Variants in DCLRE1C observed in about 807,000 individuals in gnomAD.
DCLRE1C encodes protein artemis.
In DCLRE1C, 47 loss-of-function variants were observed where a neutral mutation model predicts 61.4. That is an observed-to-expected ratio of 0.77 (90% confidence interval 0.61 to 0.98). The LOEUF is 0.98. DCLRE1C is among the 50% of genes least tolerant of loss of function. The pLI, the probability that DCLRE1C is intolerant of heterozygous loss-of-function variation, is 0.00. For missense variants in DCLRE1C, 858 were observed against 816.0 expected (o/e 1.05, Z -0.63); for synonymous variants, 337 against 287.6 (o/e 1.17, Z -1.74).
In DCLRE1C at chr10:14,912,881, C is replaced by T. The variant is rs530831552; in HGVS notation, c.1157-3551G>A. 6.7e-4 allele frequency among the ~76,000 whole-genome samples: 101 copies of T among 150,530 alleles called. 1 individual carries two copies. Among genetic ancestry groups the T allele is most frequent in the Middle Eastern group, 3.4e-3 (1 of 292 alleles). ...TGTTTTTAGTAGAGACGGGGTTTCA[C>T]CGTGTTAGCCAGGATGGTCTCGATC... On this transcript the variant is annotated intron_variant, in intron 13 of 13. Coordinates refer to ENST00000378278, the MANE Select transcript of DCLRE1C (RefSeq NM_001033855.3).
chr10:14,939,680 C>G (rs1447275511), intron 4 of DCLRE1C, 130 bp downstream of exon 4: 2 of 795,564 alleles, frequency 2.5e-6, no homozygotes, highest in Non-Finnish European at 4.0e-6. Flanking sequence ...AATGAGCATT[C>G]AAAATCAAAG....
Position 14,908,743 on chromosome 10 carries a change from T to C in DCLRE1C, c.1744A>G (p.Ile582Val). 1 of 1,614,242 alleles carries C rather than the reference T, an allele frequency of 6.2e-7. No individual in the cohort carries two copies. Among genetic ancestry groups the C allele is most frequent in the Non-Finnish European group, 8.5e-7 (1 of 1,180,038 alleles). The change falls in exon 14 of 14, where the codon ATC becomes GTC. Residue 582 changes from isoleucine (I) to valine (V), a missense_variant. This residue lies in a region of DCLRE1C where 843 missense variants were observed against 783.5 expected (regional missense o/e 1.08). Coordinates refer to ENST00000378278, the MANE Select transcript of DCLRE1C (RefSeq NM_001033855.3). Reference sequence around the variant, plus strand: ...AGAGAGGCAGGAATATTCTCTTTGATTGTTGGTCTGTAGTCAGCTTTGTCC... The same window carrying C: ...AGAGAGGCAGGAATATTCTCTTTGACTGTTGGTCTGTAGTCAGCTTTGTCC... ...SLDKADYRPT[I>V]KENIPASLME...
chr10:14,919,296 CCTT>C (rs1350501375), intron 13 of DCLRE1C, among the ~76,000 whole-genome samples: 2 of 152,090 alleles, frequency 1.3e-5, no homozygotes, highest in East Asian at 1.9e-4. Context: ...AGAGAAAAAT[CCTT>C]CTGTATAAAC....
Position 14,906,509 on chromosome 10 carries a change from C to G in DCLRE1C, c.*1899G>C, listed in dbSNP as rs41300706. ...CAGGCATTTTTTGAACAACCACTTT[C>G]GATCATAAGGTACACTGTTAAAACT... On this transcript the variant is annotated 3_prime_UTR_variant, in exon 14 of 14. Coordinates refer to ENST00000378278, the MANE Select transcript of DCLRE1C (RefSeq NM_001033855.3). Among the ~76,000 whole-genome samples the G allele has an allele frequency of 6.6e-6, 1 of 152,264 alleles. No individual in the cohort carries two copies. The highest frequency in any genetic ancestry group is 1.5e-5 in the Non-Finnish European group (1 of 68,018).
downstream of DCLRE1C, among the ~76,000 whole-genome samples, chr10:14,900,658 G>C (rs187151168): frequency 7.6e-4 from 116 of 152,230 alleles, 1 homozygote; most frequent in Middle Eastern, 3.4e-3. Flanking sequence ...TCAAAACATT[G>C]AAGAGTTTGG....
chr10:14,909,972 CT>C (rs879738384), intron 13 of DCLRE1C, among the ~76,000 whole-genome samples: 217 of 152,320 alleles, frequency 1.4e-3, no homozygotes, highest in African/African-American at 4.8e-3. Flanking sequence ...AAAAGCCTTA[CT>C]TAGAAAAACA....
intron 2 of DCLRE1C, among the ~76,000 whole-genome samples, chr10:14,946,667 A>AT (rs34082024): frequency 0.55 from 81,326 of 148,808 alleles, 22,410 homozygotes; most frequent in Admixed American, 0.63. Context: ...CGCTAAAGAG[A>AT]TTTTTTTTTT....
Position 14,909,265 on chromosome 10 carries a change from G to T in DCLRE1C, c.1222C>A (p.Pro408Thr). 2 of 1,613,776 alleles carry T rather than the reference G, an allele frequency of 1.2e-6. No homozygotes were observed. Among genetic ancestry groups the T allele is most frequent in the Non-Finnish European group, 1.7e-6 (2 of 1,179,946 alleles). ...PIPLRHKVPY[P>T]ETFHPEVFSM... Reference sequence around the variant, plus strand: ...AATACCTCAGGGTGAAAAGTTTCCGGGTATGGAACTTTGTGCCTTAAAGGT... The same window carrying T: ...AATACCTCAGGGTGAAAAGTTTCCGTGTATGGAACTTTGTGCCTTAAAGGT... Residue 408 changes from proline to threonine, a missense_variant, in exon 14 of 14, where the codon CCG becomes ACG. Physicochemically the swap from Pro to Thr is conservative, Grantham distance 38 (BLOSUM62 -1). Around this residue, in one of 2 missense-constraint regions of DCLRE1C, gnomAD observed 843 missense variants for 783.5 expected, o/e 1.08. Coordinates refer to ENST00000378278, the MANE Select transcript of DCLRE1C (RefSeq NM_001033855.3).
intron 13 of DCLRE1C, among the ~76,000 whole-genome samples, chr10:14,917,716 C>T (rs1836435926): frequency 6.6e-6 from 1 of 152,088 alleles, no homozygotes; most frequent in Non-Finnish European, 1.5e-5. Flanking sequence ...ACTTGGGAGG[C>T]TGAAGTGGGA....
intron 9 of DCLRE1C, among the ~76,000 whole-genome samples, chr10:14,930,485 T>C (rs1241179162): frequency 2.0e-5 from 3 of 151,728 alleles, no homozygotes; most frequent in Non-Finnish European, 2.9e-5. Context: ...CAGACTGGAG[T>C]GCAGTGGTGA....
In DCLRE1C at chr10:14,906,164, C is replaced by A. The variant is rs980894650; in HGVS notation, c.*2244G>T. ...GCCTGTGTTTGAATTCTGCCTGTGC[C>A]TCATAGCTATGTGAACTAACCTCTG... On this transcript the variant is annotated 3_prime_UTR_variant, in exon 14 of 14. Coordinates refer to ENST00000378278, the MANE Select transcript of DCLRE1C (RefSeq NM_001033855.3). Among the ~76,000 whole-genome samples the A allele has an allele frequency of 6.6e-6, 1 of 152,166 alleles. No individual in the cohort carries two copies. The highest frequency in any genetic ancestry group is 2.4e-5 in the African/African-American group (1 of 41,422).
At chr10:14,925,435 T>C (rs1564410452) in intron 11 of DCLRE1C, among the ~76,000 whole-genome samples, 2 of 152,038 alleles carry the variant, frequency 1.3e-5, no homozygotes, top group Non-Finnish European at 1.5e-5. Flanking sequence ...ACAGTAGTTA[T>C]ACTCTATAAA....
At chr10:14,952,496 G>A (rs572790398) in intron 1 of DCLRE1C, among the ~76,000 whole-genome samples, 190 of 152,150 alleles carry the variant, frequency 1.2e-3, no homozygotes, top group Non-Finnish European at 1.9e-3. Context: ...GCTGAGGCAC[G>A]AGAATCGCTT....
chr10:14,910,725 A>C (rs935861068), intron 13 of DCLRE1C, among the ~76,000 whole-genome samples: 1 of 152,234 alleles, frequency 6.6e-6, no homozygotes, highest in Non-Finnish European at 1.5e-5. Flanking sequence ...GATGCATAAA[A>C]GGCACAAAAG....
At chr10:14,953,678 G>C (rs575634982) in intron 1 of DCLRE1C, among the ~76,000 whole-genome samples, 2 of 152,304 alleles carry the variant, frequency 1.3e-5, no homozygotes, top group South Asian at 4.1e-4. Context: ...TGACCAAGCC[G>C]GCCCGGGGCG....
intron 1 of DCLRE1C, among the ~76,000 whole-genome samples, chr10:14,951,380 AC>A (rs1398879419): frequency 7.7e-6 from 1 of 129,158 alleles, no homozygotes; most frequent in Non-Finnish European, 1.6e-5. Context: ...ACAGAGCAAA[AC>A]CCTGTCTCAA....
intron 3 of DCLRE1C, among the ~76,000 whole-genome samples, chr10:14,940,978 G>A (rs1325151348): frequency 6.6e-6 from 1 of 152,202 alleles, no homozygotes; most frequent in African/African-American, 2.4e-5. Flanking sequence ...TGCCTCCCAG[G>A]TTCAAGCAAT....
At position 14,936,571 on chromosome 10, in the gene DCLRE1C, AG is replaced by A; in HGVS notation, c.328del (p.Leu110SerfsTer74). 2.5e-6 allele frequency: 4 copies of A among 1,613,394 alleles called. No homozygotes were observed. The highest frequency in any genetic ancestry group is 3.4e-6 in the Non-Finnish European group (4 of 1,179,418). ...SGEKEEIVVT[L>X]LPAGHCPGSV... ...TCCCGGACAGTGACCAGCTGGTAAG[AG>A]AGTCACAACAATCTCTTCCTTCTAA... On this transcript the variant is annotated frameshift_variant, in exon 5 of 14. Transcript: ENST00000378278. LOFTEE classifies it high-confidence loss of function.
chr10:14,919,702 A>G, intron 13 of DCLRE1C, 36 bp downstream of exon 13: 2 of 1,510,512 alleles, frequency 1.3e-6, no homozygotes, highest in Non-Finnish European at 1.8e-6. Context: ...GTTTGCAGGG[A>G]GCCCACCCCT....
Sources: gnomAD v4.1 joint callset for allele counts (sites outside exome capture counted in the v4.1 genomes callset) on GRCh38, gnomAD v4.1.1 for gene constraint, gnomAD v4.1.1 regional missense constraint, MANE v1.5 for transcripts, NCBI Gene and HGNC (gene_info 2026-07-23, HGNC 2026-07-21) for gene names.